TAFA4: variants seen among roughly 807,000 people sequenced by gnomAD.
TAFA4 encodes the protein chemokine-like protein TAFA-4.
In TAFA4, 20 loss-of-function variants were observed where a neutral mutation model predicts 21.1. That is an observed-to-expected ratio of 0.95 (90% CI 0.67 to 1.38). TAFA4 has a LOEUF of 1.38. TAFA4 is among the 40% of genes most tolerant of loss of function. The pLI, the probability that TAFA4 is intolerant of heterozygous loss-of-function variation, is 0.00. For missense variants in TAFA4, 211 were observed against 180.9 expected (o/e 1.17, Z -0.95); for synonymous variants, 71 against 67.4 (o/e 1.05, Z -0.26).
chr3:68,860,722 A>T (rs1167270494), intron 3 of TAFA4, among the ~76,000 whole-genome samples: 1 of 152,140 alleles, frequency 6.6e-6, no homozygotes, highest in African/African-American at 2.4e-5. Flanking sequence ...GATGAATTCC[A>T]AGAATCAAAA....
intron 3 of TAFA4, among the ~76,000 whole-genome samples, chr3:68,818,899 TAA>T (rs1304489664): frequency 6.6e-6 from 1 of 152,158 alleles, no homozygotes; most frequent in African/African-American, 2.4e-5. Flanking sequence ...ATACATGAAA[TAA>T]GCACATGCTG....
At chr3:68,781,694 T>G (rs1190763396) in intron 3 of TAFA4, among the ~76,000 whole-genome samples, 10 of 152,060 alleles carry the variant, frequency 6.6e-5, no homozygotes, top group Admixed American at 6.5e-4. Context: ...TAAAGAAGAA[T>G]TAATATAAAT....
At chr3:68,840,894 C>G (rs1042234639) in intron 3 of TAFA4, among the ~76,000 whole-genome samples, 1 of 152,164 alleles carries the variant, frequency 6.6e-6, no homozygotes, top group Non-Finnish European at 1.5e-5. Context: ...TTCTGTAATA[C>G]TGAACTAAAT....
chr3:68,909,223 G>T (rs777635206), intron 1 of TAFA4, among the ~76,000 whole-genome samples: 4 of 152,206 alleles, frequency 2.6e-5, no homozygotes, highest in Non-Finnish European at 5.9e-5. Flanking sequence ...ACAGAATTTA[G>T]TATCTGAAGT....
At chr3:68,921,380 A>T (rs1202242826) in intron 1 of TAFA4, among the ~76,000 whole-genome samples, 1 of 152,196 alleles carries the variant, frequency 6.6e-6, no homozygotes, top group Non-Finnish European at 1.5e-5. Flanking sequence ...AAGAAAAAAA[A>T]GCAAGCTCTT....
Position 68,924,280 on chromosome 3 carries a change from A to G in TAFA4, c.-123+7960T>C, listed in dbSNP as rs566904781. On this transcript the variant is annotated intron_variant, in intron 1 of 5. Transcript: ENST00000295569. Reference sequence around the variant, plus strand: ...ATAAAAAATAAAGTGTGGGCTATACATGCAATGGATTATTCAGCCTTAAAA... The same window carrying G: ...ATAAAAAATAAAGTGTGGGCTATACGTGCAATGGATTATTCAGCCTTAAAA... 5.3e-5 allele frequency among the ~76,000 whole-genome samples: 8 copies of G among 152,378 alleles called. No individual in the cohort carries two copies. In the East Asian group the frequency reaches 7.7e-4, roughly 15 times the overall value.
chr3:68,906,147 G>A (rs1349211912), intron 1 of TAFA4, among the ~76,000 whole-genome samples: 7 of 152,222 alleles, frequency 4.6e-5, no homozygotes, highest in Non-Finnish European at 1.0e-4. Flanking sequence ...GTAGGATGTG[G>A]AGTAGACATT....
chr3:68,737,213 T>A (rs1702258694), intron 5 of TAFA4, among the ~76,000 whole-genome samples: 1 of 152,128 alleles, frequency 6.6e-6, no homozygotes, highest in East Asian at 1.9e-4. Flanking sequence ...CCCTAATTCG[T>A]GGGCTACTCC....
intron 3 of TAFA4, among the ~76,000 whole-genome samples, chr3:68,815,379 G>A (rs527249430): frequency 6.6e-4 from 101 of 152,088 alleles, no homozygotes; most frequent in Admixed American, 9.8e-4. Context: ...AACAGGCAGC[G>A]TACAGAATGG....
intron 3 of TAFA4, among the ~76,000 whole-genome samples, chr3:68,791,261 G>A (rs961078532): frequency 1.8e-4 from 27 of 152,210 alleles, no homozygotes; most frequent in Admixed American, 5.9e-4. Context: ...GTGTAATCAA[G>A]TTAAGATGAA....
At chr3:68,741,540 A>G (rs761528467) in intron 4 of TAFA4, among the ~76,000 whole-genome samples, 13 of 152,116 alleles carry the variant, frequency 8.5e-5, no homozygotes, top group Non-Finnish European at 1.6e-4. Context: ...CATGCCTGTA[A>G]TCCCAGCACT....
intron 4 of TAFA4, among the ~76,000 whole-genome samples, chr3:68,750,467 A>G (rs1417477681): frequency 2.0e-5 from 3 of 152,244 alleles, no homozygotes; most frequent in African/African-American, 7.2e-5. Flanking sequence ...CCAATGTGAT[A>G]GCATTTGTGT....
intron 1 of TAFA4, among the ~76,000 whole-genome samples, chr3:68,901,940 C>T (rs1248632928): frequency 1.3e-5 from 2 of 152,158 alleles, no homozygotes; most frequent in Non-Finnish European, 2.9e-5. Context: ...TACCAGGGTC[C>T]GTCCAATGTT....
At chr3:68,880,687 G>T (rs754932379) in intron 3 of TAFA4, 43 bp downstream of exon 3, 3 of 1,532,808 alleles carry the variant, frequency 2.0e-6, no homozygotes, top group African/African-American at 1.4e-5. Context: ...ATTTGGAGGG[G>T]TTTTATTATC....
chr3:68,741,128 G>A (rs1702343112), intron 4 of TAFA4, among the ~76,000 whole-genome samples: 1 of 152,108 alleles, frequency 6.6e-6, no homozygotes, highest in South Asian at 2.1e-4. Flanking sequence ...AGCTATTTGG[G>A]GTCTTTTGTG....
intron 3 of TAFA4, among the ~76,000 whole-genome samples, chr3:68,858,399 A>G (rs1291749783): frequency 6.6e-6 from 1 of 151,752 alleles, no homozygotes; most frequent in Non-Finnish European, 1.5e-5. Context: ...TGTACCTCCT[A>G]TTTTAATGAA....
chr3:68,842,863 C>A lies in TAFA4; in HGVS notation c.130+37867G>T, dbSNP rs140467617. ...AAGATCAGAGGGTTTGGCGTTATTT[C>A]TGAGGCCTCTGTTCTGTTTCATTGG... is the stretch of plus-strand genomic sequence containing the variant. On this transcript the variant is annotated intron_variant, in intron 3 of 5. Transcript: ENST00000295569. 6.4e-3 allele frequency among the ~76,000 whole-genome samples: 966 copies of A among 152,098 alleles called. 11 individuals are homozygous for A. The highest frequency in any genetic ancestry group is 0.022 in the African/African-American group (896 of 41,524).
chr3:68,923,891 G>A (rs961374230), intron 1 of TAFA4, among the ~76,000 whole-genome samples: 4 of 152,114 alleles, frequency 2.6e-5, no homozygotes, highest in Admixed American at 6.5e-5. Context: ...TTCATACTGC[G>A]TCCTTGCCAC....
chr3:68,760,060 T>C (rs901542899), intron 3 of TAFA4, among the ~76,000 whole-genome samples: 2 of 152,132 alleles, frequency 1.3e-5, no homozygotes, highest in Non-Finnish European at 2.9e-5. Flanking sequence ...GGGTTGCATA[T>C]TTTCTGTTCA....
Sources: gnomAD v4.1 joint callset for allele counts (sites outside exome capture counted in the v4.1 genomes callset) on GRCh38, gnomAD v4.1.1 for gene constraint, MANE v1.5 for transcripts, NCBI Gene and HGNC (gene_info 2026-07-23, HGNC 2026-07-21) for gene names.